The following BACE2 variants were observed in gnomAD, a reference collection of about 807,000 sequenced individuals.
BACE2 encodes beta-secretase 2.
A neutral mutation model predicts 46.2 loss-of-function variants in BACE2; 17 were observed. That is an observed-to-expected ratio of 0.37 (90% CI 0.25 to 0.55). BACE2 has a LOEUF of 0.55. BACE2 is among the 20% of genes least tolerant of loss of function. The pLI is 0.82. For synonymous variants in BACE2, 277 were observed against 295.9 expected, an observed-to-expected ratio of 0.94 and a Z score of 0.66; for missense variants, 595 against 698.1, an observed-to-expected ratio of 0.85 and a Z score of 1.66.
chr21:41,199,118 G>A (rs189353334), intron 1 of BACE2, among the ~76,000 whole-genome samples: 70 of 149,182 alleles, frequency 4.7e-4, no homozygotes, highest in Middle Eastern at 3.4e-3. Flanking sequence ...GAGAACGTGC[G>A]GTGTTTGGTT....
chr21:41,257,309 C>T lies in BACE2; in HGVS notation c.1286C>T (p.Ala429Val), dbSNP rs1293213726. Residue 429 changes from alanine (A) to valine (V), a missense_variant, in exon 8 of 9, where the codon GCA becomes GTA. Physicochemically the swap from Ala to Val is moderately conservative, Grantham distance 64 (BLOSUM62 0). Transcript: ENST00000330333. ...AGAGCCCAGAAGAGGGTGGGCTTCG[C>T]AGCGAGCCCCTGTGCAGGTGAGCGA... ...FDRAQKRVGF[A>V]ASPCAEIAGA... The T allele has an allele frequency of 1.2e-6, 2 of 1,613,874 alleles. No individual in the cohort carries two copies.
At chr21:41,235,379 G>A (rs79062280) in intron 2 of BACE2, among the ~76,000 whole-genome samples, 16,529 of 152,232 alleles carry the variant, frequency 0.11, 1,139 homozygotes, top group Non-Finnish European at 0.15. Context: ...CATTTGGATG[G>A]TTTCCAGCTG....
intron 1 of BACE2, among the ~76,000 whole-genome samples, chr21:41,172,332 T>C (rs1238829021): frequency 1.3e-5 from 2 of 152,186 alleles, no homozygotes; most frequent in African/African-American, 4.8e-5. Context: ...GTTTATAAGA[T>C]CAAGAGCTGA....
chr21:41,215,151 G>C (rs1365007320), intron 1 of BACE2, among the ~76,000 whole-genome samples: 1 of 152,168 alleles, frequency 6.6e-6, no homozygotes, highest in Non-Finnish European at 1.5e-5. Flanking sequence ...TCTGCAGGTG[G>C]AGGAGAGAAA....
At chr21:41,259,117 A>G (rs1444990145) in intron 8 of BACE2, among the ~76,000 whole-genome samples, 1 of 152,060 alleles carries the variant, frequency 6.6e-6, no homozygotes, top group Non-Finnish European at 1.5e-5. Context: ...TCTAATAACC[A>G]TTTGTTTTCT....
chr21:41,222,265 G>A (rs1310367540), intron 1 of BACE2, among the ~76,000 whole-genome samples: 1 of 152,220 alleles, frequency 6.6e-6, no homozygotes, highest in Non-Finnish European at 1.5e-5. Context: ...TGCTGTCACT[G>A]TTATGTGAAA....
chr21:41,265,362 G>C (rs1988042558), intron 8 of BACE2, among the ~76,000 whole-genome samples: 1 of 152,004 alleles, frequency 6.6e-6, no homozygotes, highest in African/African-American at 2.4e-5. Flanking sequence ...TATTAGAATT[G>C]CTGAGTTAAA....
chr21:41,252,950 C>G (rs541676977), intron 7 of BACE2, among the ~76,000 whole-genome samples: 1 of 152,168 alleles, frequency 6.6e-6, no homozygotes, highest in Non-Finnish European at 1.5e-5. Flanking sequence ...TTGAGTAACA[C>G]GCTCAGCACT....
chr21:41,198,484 A>G (rs1033266909), intron 1 of BACE2, among the ~76,000 whole-genome samples: 2 of 152,226 alleles, frequency 1.3e-5, no homozygotes, highest in Non-Finnish European at 2.9e-5. Flanking sequence ...CTCAGGAGCG[A>G]TGCATTCACC....
intron 8 of BACE2, among the ~76,000 whole-genome samples, chr21:41,272,792 C>T (rs1025092883): frequency 4.6e-5 from 7 of 152,144 alleles, no homozygotes; most frequent in African/African-American, 1.7e-4. Flanking sequence ...ATTGATTTTG[C>T]TCCCTATTAT....
chr21:41,246,737 C>T (rs12627066), intron 6 of BACE2, among the ~76,000 whole-genome samples: 3,900 of 152,222 alleles, frequency 0.026, 82 homozygotes, highest in Non-Finnish European at 0.033. Flanking sequence ...CCAGTCAGTT[C>T]AGGGCAATAA....
rs111576561 is a variant in BACE2, at chr21:41,193,127, G to A, written c.312+24552G>A. 8.5e-5 allele frequency among the ~76,000 whole-genome samples: 13 copies of A among 152,276 alleles called. No homozygotes were observed. The highest frequency in any genetic ancestry group is 3.1e-4 in the African/African-American group (13 of 41,584). ...GACCAGTGTGATATCTCGTGGAAAC[G>A]AAAAGCGATCAAGGTCTCTCCAAAT... On this transcript the variant is annotated intron_variant, in intron 1 of 8. Transcript: ENST00000330333. The surrounding 1 kb of genome is among the most constrained non-coding windows in gnomAD (Gnocchi z 4.2).
intron 1 of BACE2, among the ~76,000 whole-genome samples, chr21:41,199,914 T>G (rs537216341): frequency 2.0e-5 from 3 of 152,060 alleles, no homozygotes; most frequent in African/African-American, 7.2e-5. Flanking sequence ...GGTGTTTGGT[T>G]TTTTGTCCTT....
At chr21:41,237,157 A>C (rs1328911554) in intron 2 of BACE2, among the ~76,000 whole-genome samples, 4 of 152,216 alleles carry the variant, frequency 2.6e-5, no homozygotes, top group Non-Finnish European at 4.4e-5. Flanking sequence ...AAGAGAATGC[A>C]AGGGGCTTAG....
rs73222294 is a variant in BACE2 at position 41,267,771 on chromosome 21, C to T, written c.1304-7600C>T. Reference sequence around the variant, plus strand: ...AGAACACTGAGGGCCCCAGATTTTCCGTAGCTTTCACATGGTTGCAGAAAA... The same window carrying T: ...AGAACACTGAGGGCCCCAGATTTTCTGTAGCTTTCACATGGTTGCAGAAAA... On this transcript the variant is annotated intron_variant, in intron 8 of 8. Transcript: ENST00000330333. Among the ~76,000 whole-genome samples, 1,391 of 152,204 alleles carry T rather than the reference C, an allele frequency of 9.1e-3. 9 individuals are homozygous for T. The highest frequency in any genetic ancestry group is 0.015 in the Admixed American group (222 of 15,286).
chr21:41,236,814 G>A (rs1987133856), intron 2 of BACE2: 1 of 152,302 alleles, frequency 6.6e-6, no homozygotes, highest in African/African-American at 2.4e-5. Context: ...AAAGCCGGAG[G>A]GCCAGGCAGG....
At chr21:41,237,259 A>G (rs947898925) in intron 2 of BACE2, among the ~76,000 whole-genome samples, 3 of 152,146 alleles carry the variant, frequency 2.0e-5, no homozygotes, top group Non-Finnish European at 4.4e-5. Flanking sequence ...CATCCTGGCC[A>G]ACATGGTGAA....
chr21:41,214,491 C>T (rs558200405), intron 1 of BACE2, among the ~76,000 whole-genome samples: 13 of 152,274 alleles, frequency 8.5e-5, no homozygotes, highest in African/African-American at 2.2e-4. Context: ...ATGCCAAAGA[C>T]GAACAGTTTT....
intron 1 of BACE2, among the ~76,000 whole-genome samples, chr21:41,211,169 T>G (rs534483710): frequency 3.4e-5 from 3 of 89,494 alleles, no homozygotes; most frequent in South Asian, 7.5e-4. Flanking sequence ...CATTCCCCCC[T>G]CCCCATCCCT....
Sources: allele counts gnomAD v4.1 joint callset (sites outside exome capture counted in the v4.1 genomes callset), GRCh38; gene constraint gnomAD v4.1.1; non-coding constraint Gnocchi (gnomAD v3.1); transcripts MANE v1.5; gene names NCBI Gene and HGNC (gene_info 2026-07-23, HGNC 2026-07-21).